The following SKAP2 variants were observed in gnomAD, a reference collection of about 807,000 sequenced individuals.
SKAP2 encodes the protein src kinase associated phosphoprotein 2.
SKAP2 carries 28 observed loss-of-function variants against 54.9 expected under a neutral mutation model. The observed-to-expected ratio is 0.51, with a 90% CI of 0.38 to 0.70. SKAP2 has a LOEUF of 0.70. Among genes scored for constraint, SKAP2 ranks in the 30% least tolerant of loss-of-function variants. The pLI is 0.00. For synonymous variants in SKAP2, 137 were observed against 134.3 expected, an observed-to-expected ratio of 1.02 and a Z score of -0.14; for missense variants, 356 against 424.1, an observed-to-expected ratio of 0.84 and a Z score of 1.41.
At chr7:26,676,317 T>C (rs1247014482) in intron 11 of SKAP2, among the ~76,000 whole-genome samples, 1 of 152,200 alleles carries the variant, frequency 6.6e-6, no homozygotes, top group Non-Finnish European at 1.5e-5. Context: ...AAGTAGCCAG[T>C]GCTGGGAAAA....
chr7:26,764,039 T>C (rs1782990688), intron 4 of SKAP2, among the ~76,000 whole-genome samples: 1 of 152,174 alleles, frequency 6.6e-6, no homozygotes, highest in Non-Finnish European at 1.5e-5. Flanking sequence ...TTCCAGCCTT[T>C]TTTAAAAAAA....
intron 4 of SKAP2, among the ~76,000 whole-genome samples, chr7:26,816,653 A>C (rs549965167): frequency 6.6e-6 from 1 of 152,238 alleles, no homozygotes; most frequent in East Asian, 1.9e-4. Context: ...TAGTAATTAC[A>C]CTAAGAGATG....
downstream of SKAP2, among the ~76,000 whole-genome samples, chr7:26,665,371 CTGTTA>C (rs535523290): frequency 9.2e-4 from 140 of 152,254 alleles, no homozygotes; most frequent in African/African-American, 3.2e-3. Flanking sequence ...TCACTCAATT[CTGTTA>C]TAACAATAAA....
At chr7:26,750,193 A>G (rs1335971717) in intron 4 of SKAP2, among the ~76,000 whole-genome samples, 18 of 152,236 alleles carry the variant, frequency 1.2e-4, no homozygotes, top group African/African-American at 4.3e-4. Context: ...TTACTTTTCT[A>G]TGGCATTAAA....
At chr7:26,712,719 A>G (rs147298285) in intron 9 of SKAP2, among the ~76,000 whole-genome samples, 3 of 152,356 alleles carry the variant, frequency 2.0e-5, no homozygotes, top group African/African-American at 7.2e-5. Flanking sequence ...TACCTGGCAT[A>G]TGCTAAGTGT....
At chr7:26,814,558 A>G (rs404082) in intron 4 of SKAP2, among the ~76,000 whole-genome samples, 1 of 136,860 alleles carries the variant, frequency 7.3e-6, no homozygotes, top group African/African-American at 2.7e-5. Context: ...ACACCCTTAC[A>G]CCAGCAAAAA....
At chr7:26,842,085 C>T (rs1784828058) in intron 4 of SKAP2, among the ~76,000 whole-genome samples, 1 of 151,352 alleles carries the variant, frequency 6.6e-6, no homozygotes, top group South Asian at 2.1e-4. Flanking sequence ...TATTAAATGT[C>T]CAAGTGGTAG....
the SKAP2 span, among the ~76,000 whole-genome samples, chr7:26,656,401 G>A: frequency 1.1e-4 from 16 of 152,094 alleles, no homozygotes; most frequent in South Asian, 4.1e-4. Flanking sequence ...TTTAAAGATT[G>A]TGTTCATATC....
intron 4 of SKAP2, among the ~76,000 whole-genome samples, chr7:26,766,840 C>A (rs1783067502): frequency 6.6e-6 from 1 of 152,136 alleles, no homozygotes; most frequent in Non-Finnish European, 1.5e-5. Context: ...GGTGGATAAG[C>A]TTTTTGATGT....
intron 6 of SKAP2, 55 bp downstream of exon 6, chr7:26,738,740 G>T: frequency 1.0e-6 from 1 of 961,406 alleles, no homozygotes. Flanking sequence ...AGGGGGAAGG[G>T]ATGGCCAAAA....
intron 7 of SKAP2, among the ~76,000 whole-genome samples, chr7:26,726,520 T>C (rs576114563): frequency 1.5e-4 from 23 of 152,244 alleles, no homozygotes; most frequent in African/African-American, 5.1e-4. Flanking sequence ...ACAATATGTA[T>C]TATCACTCTG....
At chr7:26,711,107 T>C (rs536292213) in intron 9 of SKAP2, among the ~76,000 whole-genome samples, 5 of 152,324 alleles carry the variant, frequency 3.3e-5, no homozygotes, top group Non-Finnish European at 7.4e-5. Flanking sequence ...ACTATATTTA[T>C]ACCAATGCTA....
At chr7:26,772,244 T>C (rs1201534640) in intron 4 of SKAP2, among the ~76,000 whole-genome samples, 2 of 152,142 alleles carry the variant, frequency 1.3e-5, no homozygotes, top group African/African-American at 2.4e-5. Context: ...ACCTTTTATT[T>C]TAGGTTCGGG....
intron 3 of SKAP2, among the ~76,000 whole-genome samples, chr7:26,849,080 G>C (rs1001259200): frequency 4.6e-5 from 7 of 152,170 alleles, no homozygotes; most frequent in Non-Finnish European, 8.8e-5. Context: ...TTTCACTGTG[G>C]AGTTATCGTT....
chr7:26,709,183 T>G (rs941898122), intron 9 of SKAP2, among the ~76,000 whole-genome samples: 1 of 152,148 alleles, frequency 6.6e-6, no homozygotes, highest in African/African-American at 2.4e-5. Context: ...ACCTTCACCT[T>G]ATCAGGCTAG....
chr7:26,666,263 C>G (rs1038230114), downstream of SKAP2, among the ~76,000 whole-genome samples: 2 of 152,122 alleles, frequency 1.3e-5, no homozygotes, highest in African/African-American at 4.8e-5. Context: ...CTCAGTCTCA[C>G]TGATGAAGTT....
intron 4 of SKAP2, among the ~76,000 whole-genome samples, chr7:26,802,275 T>G (rs6960087): frequency 5.6e-4 from 66 of 117,550 alleles, no homozygotes; most frequent in African/African-American, 1.4e-3. Flanking sequence ...TTTTTTTTTT[T>G]GGTTTTTTTT....
chr7:26,744,681 G>A (rs1012346571), intron 4 of SKAP2, among the ~76,000 whole-genome samples: 2 of 151,408 alleles, frequency 1.3e-5, no homozygotes, highest in Non-Finnish European at 2.9e-5. Flanking sequence ...TATATTCCAG[G>A]GTCTTCCCTA....
chr7:26,741,822 G>GT (rs554334194), intron 4 of SKAP2, among the ~76,000 whole-genome samples: 2,110 of 145,904 alleles, frequency 0.014, 36 homozygotes, highest in African/African-American at 0.044. Flanking sequence ...AATTTTACCA[G>GT]TTTTTTTTTT....
Sources: gnomAD v4.1 joint callset for allele counts (sites outside exome capture counted in the v4.1 genomes callset) on GRCh38, gnomAD v4.1.1 for gene constraint, MANE v1.5 for transcripts, NCBI Gene and HGNC (gene_info 2026-07-23, HGNC 2026-07-21) for gene names.